The following ROBO2 variants were observed in gnomAD, a reference collection of about 807,000 sequenced individuals.
ROBO2 encodes the protein roundabout homolog 2.
A neutral mutation model predicts 160.8 loss-of-function variants in ROBO2; 53 were observed. The ratio of observed to expected loss-of-function variants is 0.33; its 90% CI spans 0.26 to 0.41. The LOEUF (loss-of-function observed/expected upper bound fraction) is 0.41. ROBO2 is among the 10% of genes least tolerant of loss of function. ROBO2 has a pLI of 1.00. For synonymous variants in ROBO2, 664 were observed against 611.7 expected, an observed-to-expected ratio of 1.09 and a Z score of -1.26; for missense variants, 1,577 against 1,722.4, an observed-to-expected ratio of 0.92 and a Z score of 1.49.
At chr3:76,646,201 T>A (rs2090962124) in intron 2 of ROBO2, among the ~76,000 whole-genome samples, 2 of 152,164 alleles carry the variant, frequency 1.3e-5, no homozygotes, top group Non-Finnish European at 2.9e-5. Flanking sequence ...GAGATACCCT[T>A]GTAGTCCTGG....
chr3:76,386,548 G>A (rs754264509), intron 2 of ROBO2, among the ~76,000 whole-genome samples: 1 of 151,978 alleles, frequency 6.6e-6, no homozygotes, highest in African/African-American at 2.4e-5. Flanking sequence ...AGCCCTTAAA[G>A]GTTGCAAGCC....
intron 2 of ROBO2, among the ~76,000 whole-genome samples, chr3:76,654,837 ATTTT>A (rs199653573): frequency 0.34 from 48,660 of 143,882 alleles, 8,565 homozygotes; most frequent in South Asian, 0.45. Flanking sequence ...CTTGATTATA[ATTTT>A]TTTATATATA....
At chr3:76,064,268 G>C (rs1487352528) in intron 2 of ROBO2, among the ~76,000 whole-genome samples, 1 of 152,180 alleles carries the variant, frequency 6.6e-6, no homozygotes, top group Non-Finnish European at 1.5e-5. Context: ...GTTGTAATCT[G>C]TTATGCAGCA....
At chr3:77,335,377 A>G (rs1319586952) in intron 2 of ROBO2, among the ~76,000 whole-genome samples, 1 of 152,222 alleles carries the variant, frequency 6.6e-6, no homozygotes, top group African/African-American at 2.4e-5. Context: ...ACCGCACTCC[A>G]GCCTGGGTGA....
intron 2 of ROBO2, among the ~76,000 whole-genome samples, chr3:76,331,821 C>G (rs1164911012): frequency 6.6e-6 from 1 of 151,604 alleles, no homozygotes; most frequent in Non-Finnish European, 1.5e-5. Flanking sequence ...GTAGCTGGGA[C>G]TACAGGCGCC....
chr3:76,469,490 GC>G (rs2078537579), intron 2 of ROBO2, among the ~76,000 whole-genome samples: 1 of 151,998 alleles, frequency 6.6e-6, no homozygotes, highest in Non-Finnish European at 1.5e-5. Context: ...CTATTAAAAG[GC>G]TGGCAAGGCT....
chr3:76,105,301 C>T (rs1183786218), intron 2 of ROBO2, among the ~76,000 whole-genome samples: 2 of 152,026 alleles, frequency 1.3e-5, no homozygotes, highest in African/African-American at 2.4e-5. Flanking sequence ...GCAAGAATTG[C>T]ACACCTTCTA....
chr3:76,641,851 C>G (rs1372282892), intron 2 of ROBO2, among the ~76,000 whole-genome samples: 1 of 152,154 alleles, frequency 6.6e-6, no homozygotes, highest in Non-Finnish European at 1.5e-5. Context: ...CATCCTCCCA[C>G]CTCAGCCTCC....
At chr3:76,992,448 A>G (rs917696245) in intron 2 of ROBO2, among the ~76,000 whole-genome samples, 4 of 150,550 alleles carry the variant, frequency 2.7e-5, no homozygotes, top group African/African-American at 4.9e-5. Flanking sequence ...ATCAGTTACC[A>G]TTACTGAAAT....
At chr3:77,231,625 AT>A (rs56699969) in intron 2 of ROBO2, among the ~76,000 whole-genome samples, 65,539 of 151,482 alleles carry the variant, frequency 0.43, 14,548 homozygotes, top group Middle Eastern at 0.59. Context: ...TTACATTATT[AT>A]TTTTTTTCCT....
intron 2 of ROBO2, among the ~76,000 whole-genome samples, chr3:76,947,530 T>G (rs1470854855): frequency 1.3e-5 from 2 of 152,210 alleles, no homozygotes; most frequent in Non-Finnish European, 1.5e-5. Context: ...CAATTTCAAA[T>G]GCCTGCAATC....
intron 2 of ROBO2, among the ~76,000 whole-genome samples, chr3:76,304,738 T>TTTCCTTCCTTCCTTCTTTC (rs749689673): frequency 0.026 from 760 of 28,996 alleles, 5 homozygotes; most frequent in Middle Eastern, 0.04. Flanking sequence ...CTTTCTTTTC[T>TTTCCTTCCTTCCTTCTTTC]TTTCTTTCCT....
intron 2 of ROBO2, among the ~76,000 whole-genome samples, chr3:77,355,760 A>G (rs1341188774): frequency 2.6e-5 from 4 of 152,200 alleles, no homozygotes; most frequent in African/African-American, 9.6e-5. Context: ...AAACGTGGAG[A>G]AAAATTACAA....
chr3:76,109,264 T>C (rs913653520), intron 2 of ROBO2, among the ~76,000 whole-genome samples: 1 of 152,022 alleles, frequency 6.6e-6, no homozygotes, highest in Non-Finnish European at 1.5e-5. Flanking sequence ...TTATAATGCT[T>C]CTTTTGAGTT....
At chr3:76,113,861 T>C (rs750621269) in intron 2 of ROBO2, among the ~76,000 whole-genome samples, 8 of 152,040 alleles carry the variant, frequency 5.3e-5, no homozygotes, top group Non-Finnish European at 1.2e-4. Flanking sequence ...TGGTAATGAG[T>C]GAGCTCTCAC....
intron 2 of ROBO2, among the ~76,000 whole-genome samples, chr3:77,435,606 T>C (rs1031957843): frequency 3.3e-5 from 5 of 151,820 alleles, no homozygotes; most frequent in Non-Finnish European, 7.4e-5. Context: ...TTGTAATGCA[T>C]CAGTTTAGCA....
At chr3:77,541,916 T>C in intron 6 of ROBO2, among the ~76,000 whole-genome samples, 1 of 152,150 alleles carries the variant, frequency 6.6e-6, no homozygotes, top group East Asian at 1.9e-4. Context: ...TTTAAGCATG[T>C]GTTTGGAATT....
At chr3:76,995,935 T>G (rs1403106500) in intron 2 of ROBO2, among the ~76,000 whole-genome samples, 1 of 152,196 alleles carries the variant, frequency 6.6e-6, no homozygotes, top group East Asian at 1.9e-4. Context: ...TCTTTTGCTG[T>G]GCAGAAGCTC....
At chr3:76,051,476 T>C (rs2067651317) in intron 2 of ROBO2, among the ~76,000 whole-genome samples, 1 of 152,186 alleles carries the variant, frequency 6.6e-6, no homozygotes, top group Non-Finnish European at 1.5e-5. Context: ...ATATTAATCA[T>C]GGTTTCTGAC....
Sources: gnomAD v4.1 joint callset for allele counts (sites outside exome capture counted in the v4.1 genomes callset) on GRCh38, gnomAD v4.1.1 for gene constraint, MANE v1.5 for transcripts, NCBI Gene and HGNC (gene_info 2026-07-23, HGNC 2026-07-21) for gene names.